Variants in FAM149B1 observed in about 807,000 individuals in gnomAD.
FAM149B1 encodes family with sequence similarity 149 member B1.
FAM149B1 carries 56 observed loss-of-function variants against 75.3 expected under a neutral mutation model. The observed-to-expected ratio is 0.74, with a 90% CI of 0.60 to 0.93. The LOEUF is 0.93. FAM149B1 is among the 40% of genes least tolerant of loss of function. The pLI is 0.00. For missense variants in FAM149B1, 639 were observed against 708.4 expected (o/e 0.90, Z 1.11); for synonymous variants, 259 against 256.1 (o/e 1.01, Z -0.11).
Position 73,243,712 on chromosome 10 carries a change from C to A in FAM149B1, c.*2693C>A. 9.1e-7 allele frequency: 1 copy of A among 1,097,642 alleles called. No individual in the cohort carries two copies. The highest frequency in any genetic ancestry group is 1.3e-6 in the Non-Finnish European group (1 of 763,204). The allele number at this position is 1,097,642 out of a possible 1,614,324, so 68.0% of individuals were successfully genotyped here. ...ATACACTTAAAACCACCAAATTGTACACTTTAAAAGGACAAATAGAAGGTA... is the reference window on the plus strand; with the variant it reads ...ATACACTTAAAACCACCAAATTGTAAACTTTAAAAGGACAAATAGAAGGTA... On this transcript the variant is annotated 3_prime_UTR_variant, in exon 14 of 14. Coordinates refer to ENST00000242505, the MANE Select transcript of FAM149B1 (RefSeq NM_173348.2).
chr10:73,217,019 G>A (rs761538490), intron 7 of FAM149B1, among the ~76,000 whole-genome samples: 6 of 152,178 alleles, frequency 3.9e-5, no homozygotes, highest in Admixed American at 6.5e-5. Context: ...TTCTGCCACT[G>A]TAGATTAGTT....
intron 8 of FAM149B1, 126 bp downstream of exon 8, chr10:73,228,310 C>A (rs2133396079): frequency 8.3e-6 from 6 of 720,498 alleles, no homozygotes; most frequent in Non-Finnish European, 1.1e-5. Flanking sequence ...ATGTGTTTAT[C>A]ATAATAATCC....
chr10:73,225,602 A>C (rs1368001502), intron 7 of FAM149B1, among the ~76,000 whole-genome samples: 1 of 152,248 alleles, frequency 6.6e-6, no homozygotes, highest in Non-Finnish European at 1.5e-5. Context: ...AGTATAACTA[A>C]GGGTAATTTT....
At chr10:73,236,513 A>G (rs2043825926) in intron 12 of FAM149B1, among the ~76,000 whole-genome samples, 1 of 149,320 alleles carries the variant, frequency 6.7e-6, no homozygotes, top group Non-Finnish European at 1.5e-5. Context: ...TACTGGGTTC[A>G]TGTGATTCTC....
chr10:73,174,907 T>C, intron 2 of FAM149B1, 116 bp downstream of exon 2: 1 of 677,656 alleles, frequency 1.5e-6, no homozygotes, highest in Non-Finnish European at 2.6e-6. Context: ...CAAGAATTTT[T>C]GTCATGTTCT....
chr10:73,176,167 A>G (rs1245928224), intron 2 of FAM149B1, among the ~76,000 whole-genome samples: 1 of 152,122 alleles, frequency 6.6e-6, no homozygotes, highest in Non-Finnish European at 1.5e-5. Flanking sequence ...TTAGATTCCC[A>G]TAAGGAATGC....
In FAM149B1 at chr10:73,192,619, T is replaced by C; in HGVS notation, c.346T>C (p.Tyr116His). 1 of 1,551,926 alleles carries C rather than the reference T, an allele frequency of 6.4e-7. No individual in the cohort carries two copies. Among genetic ancestry groups the C allele is most frequent in the Non-Finnish European group, 8.7e-7 (1 of 1,146,990 alleles). ...TMFTAIDELLYEQKLSVHTKS... is the reference protein window; with the variant it reads ...TMFTAIDELLHEQKLSVHTKS... ...GTTCACAGCCATTGATGAACTCTTGTATGAGCAGAAGTTGAGTGTGCATAC... is the reference window on the plus strand; with the variant it reads ...GTTCACAGCCATTGATGAACTCTTGCATGAGCAGAAGTTGAGTGTGCATAC... Residue 116 changes from tyrosine to histidine, a missense_variant, in exon 4 of 14, where the codon TAT (tyrosine) becomes CAT (histidine). Physicochemically the swap from Tyr to His is moderately conservative, Grantham distance 83. Coordinates refer to ENST00000242505, the MANE Select transcript of FAM149B1 (RefSeq NM_173348.2).
rs577915763 is a variant in FAM149B1 at position 73,239,364 on chromosome 10, G to A, written c.1655G>A (p.Arg552Gln). The A allele has an allele frequency of 9.0e-6, 14 of 1,551,588 alleles. No individual in the cohort carries two copies. The highest frequency in any genetic ancestry group is 2.0e-5 in the Admixed American group (1 of 51,008). Residue 552 changes from arginine (R) to glutamine (Q), a missense_variant, in exon 13 of 14, where the codon CGA (arginine) becomes CAA (glutamine). By Grantham distance (43) the Arg-to-Gln change is conservative. Transcript: ENST00000242505. Reference protein sequence around the residue: ...SCAVEYPHQARPGRGSAGPQL... With the variant: ...SCAVEYPHQAQPGRGSAGPQL... ...GCAGTTGAGTATCCTCATCAGGCCC[G>A]ACCTGGCAGGGGATCTGCAGGTAAA...
chr10:73,177,809 T>C (rs1374582897), intron 2 of FAM149B1, 37 bp from the exon 3 acceptor site: 1 of 1,530,898 alleles, frequency 6.5e-7, no homozygotes, highest in South Asian at 1.2e-5. Flanking sequence ...ATGAAAAATT[T>C]TCTTTTTTCT....
At chr10:73,177,353 T>C (rs1215764516) in intron 2 of FAM149B1, among the ~76,000 whole-genome samples, 2 of 151,938 alleles carry the variant, frequency 1.3e-5, no homozygotes, top group East Asian at 1.9e-4. Context: ...GGTGGGCAGA[T>C]TGCCTGAGCT....
Position 73,174,645 on chromosome 10 carries a change from T to G in FAM149B1, c.48-42T>G, listed in dbSNP as rs561500337. 153 of 1,383,184 alleles carry G rather than the reference T, an allele frequency of 1.1e-4. 4 individuals carry two copies. In the South Asian group the frequency reaches 1.8e-3, roughly 17 times the overall value. The allele number at this position is 1,383,184 out of a possible 1,614,324, so 85.7% of individuals were successfully genotyped here. On this transcript the variant is annotated intron_variant, in intron 1 of 13. Transcript: ENST00000242505. ...AGATTAAATTATTGAATTGTATGTA[T>G]TTTTTTATACAGGAAATATAACTTT...
At chr10:73,201,384 C>T (rs918803074) in intron 5 of FAM149B1, among the ~76,000 whole-genome samples, 3 of 152,186 alleles carry the variant, frequency 2.0e-5, no homozygotes, top group South Asian at 2.1e-4. Context: ...CAACATTAGT[C>T]GTGAGCTCTT....
intron 5 of FAM149B1, among the ~76,000 whole-genome samples, chr10:73,203,205 TA>T (rs1023435113): frequency 1.3e-5 from 2 of 152,224 alleles, no homozygotes; most frequent in Non-Finnish European, 2.9e-5. Context: ...ACAGAAGGGC[TA>T]AATGGTATCC....
rs1461687064 is a variant in FAM149B1 at position 73,208,801 on chromosome 10, T to A, written c.710+15T>A. 2.8e-6 allele frequency: 4 copies of A among 1,407,176 alleles called. No individual in the cohort carries two copies. The African/African-American group carries it at 4.3e-5, about 15-fold the overall frequency. 87.2% of individuals were successfully genotyped at this position (1,407,176 alleles called of 1,614,324 possible). Reference sequence around the variant, plus strand: ...CACATAGATATGTGAGTATTATGCCTTTTAAGCTTTTTACTCCCCTCTTAT... The same window carrying A: ...CACATAGATATGTGAGTATTATGCCATTTAAGCTTTTTACTCCCCTCTTAT... On this transcript the variant is annotated intron_variant, in intron 6 of 13. Transcript: ENST00000242505.
intron 6 of FAM149B1, among the ~76,000 whole-genome samples, chr10:73,209,017 G>A (rs1299565819): frequency 1.3e-5 from 2 of 152,130 alleles, no homozygotes; most frequent in Non-Finnish European, 2.9e-5. Context: ...TGAGATTAGA[G>A]ATTTTAAAAT....
At chr10:73,198,169 G>A (rs1409512280) in intron 5 of FAM149B1, among the ~76,000 whole-genome samples, 2 of 152,180 alleles carry the variant, frequency 1.3e-5, no homozygotes, top group Non-Finnish European at 2.9e-5. Flanking sequence ...GAACAACGAA[G>A]TTGGACCCTT....
chr10:73,219,751 C>A (rs2043368149), intron 7 of FAM149B1, among the ~76,000 whole-genome samples: 1 of 152,086 alleles, frequency 6.6e-6, no homozygotes, highest in Non-Finnish European at 1.5e-5. Context: ...ATACAAAAAT[C>A]AACTCACAAT....
intron 8 of FAM149B1, 104 bp from the exon 9 acceptor site, chr10:73,230,318 A>G (rs1173681621): frequency 1.5e-5 from 10 of 683,328 alleles, no homozygotes; most frequent in Non-Finnish European, 2.3e-5. Flanking sequence ...ATGGGGAAAA[A>G]GTATAAATAA....
At chr10:73,203,427 G>A (rs976939353) in intron 5 of FAM149B1, among the ~76,000 whole-genome samples, 2 of 152,176 alleles carry the variant, frequency 1.3e-5, no homozygotes, top group Non-Finnish European at 2.9e-5. Flanking sequence ...TCTCTACCAT[G>A]TATGTATATG....
Sources: gnomAD v4.1 joint callset for allele counts (sites outside exome capture counted in the v4.1 genomes callset) on GRCh38, gnomAD v4.1.1 for gene constraint, MANE v1.5 for transcripts, NCBI Gene and HGNC (gene_info 2026-07-23, HGNC 2026-07-21) for gene names.